RTKN2: variants seen among roughly 807,000 people sequenced by gnomAD.
RTKN2 encodes the protein rhotekin 2.
Under a neutral mutation model 71.5 loss-of-function variants are expected in RTKN2, and 69 were observed. That is an observed-to-expected ratio of 0.96 (90% CI 0.79 to 1.18). The LOEUF is 1.18. Among genes scored for constraint, RTKN2 ranks in the 50% most tolerant of loss-of-function variants. The pLI is 0.00. For synonymous variants in RTKN2, 236 were observed against 236.5 expected (o/e 1.00, Z 0.02); for missense variants, 724 against 719.7 (o/e 1.01, Z -0.07).
At position 62,199,655 on chromosome 10, in the gene RTKN2, G is replaced by A. The variant is rs375128408; in HGVS notation, c.1294+99C>T. The A allele has an allele frequency of 1.0e-4, 63 of 632,982 alleles. No homozygotes were observed. In the African/African-American group the frequency reaches 1.1e-3, roughly 11 times the overall value. 39.2% of individuals were successfully genotyped at this position (632,982 alleles called of 1,614,324 possible). On this transcript the variant is annotated intron_variant, in intron 11 of 11. Transcript: ENST00000373789. The stretch of plus-strand genomic sequence containing the variant: ...TTTTCATTTATTTTGATTGTGCCCT[G>A]AAAATTTTAGCATTTTAATGTCAAT...
Position 62,197,622 on chromosome 10 carries a change from C to A in RTKN2, c.*286G>T. ...TGCTTTATTCTGCCTAGGGCTTATT[C>A]ACTGCCTGGTACTAATTCAGGAATA... On this transcript the variant is annotated 3_prime_UTR_variant, in exon 12 of 12. Coordinates refer to ENST00000373789, the MANE Select transcript of RTKN2 (RefSeq NM_145307.4). The A allele has an allele frequency of 7.7e-6, 9 of 1,174,622 alleles. No individual in the cohort carries two copies. Among genetic ancestry groups the A allele is most frequent in the Non-Finnish European group, 9.5e-6 (9 of 949,930 alleles). 72.8% of individuals were successfully genotyped at this position (1,174,622 alleles called of 1,614,324 possible).
intron 6 of RTKN2, among the ~76,000 whole-genome samples, chr10:62,223,977 T>C (rs1022622943): frequency 1.3e-5 from 2 of 152,042 alleles, no homozygotes; most frequent in African/African-American, 4.8e-5. Flanking sequence ...TGTGTGTATA[T>C]ATACACATAC....
chr10:62,187,736 A>C (rs1841159416), intron 8 of RTKN2, among the ~76,000 whole-genome samples: 1 of 152,178 alleles, frequency 6.6e-6, no homozygotes, highest in Non-Finnish European at 1.5e-5. Context: ...GCCCTCGGTG[A>C]ACTTAACGTG....
chr10:62,254,129 G>C (rs1042905751), intron 2 of RTKN2, among the ~76,000 whole-genome samples: 5 of 152,156 alleles, frequency 3.3e-5, no homozygotes, highest in African/African-American at 1.2e-4. Context: ...AAGACCATAA[G>C]AAAAAGTTCA....
chr10:62,188,611 G>A (rs956482708), downstream of RTKN2, among the ~76,000 whole-genome samples: 5 of 151,884 alleles, frequency 3.3e-5, no homozygotes, highest in Non-Finnish European at 7.4e-5. Context: ...CCATATCCGC[G>A]GAGCCCAATC....
At chr10:62,188,491 G>C (rs537919089), downstream of RTKN2, among the ~76,000 whole-genome samples, 7 of 152,276 alleles carry the variant, frequency 4.6e-5, no homozygotes, top group East Asian at 1.4e-3. Context: ...GGAGAACTAA[G>C]CTCCACCTTT....
rs1188944763 is a variant in RTKN2, at chr10:62,262,641, T to A, written c.241A>T (p.Asn81Tyr). The change falls in exon 2 of 12, where the codon AAT becomes TAT. Residue 81 changes from asparagine to tyrosine, a missense_variant. By Grantham distance (143) the Asn-to-Tyr change is moderately radical (BLOSUM62 -2). Transcript: ENST00000373789. ...GTTACTAACCATCTTCCAGTCTGAT[T>A]TGCAATCTGTTCTTCTAATTTCTGT... ...ELQKLEEQIA[N>Y]QTGRCDVKFE... The A allele has an allele frequency of 2.5e-6, 4 of 1,605,552 alleles. No homozygotes were observed. In the African/African-American group the frequency reaches 5.4e-5, roughly 21 times the overall value.
intron 9 of RTKN2, among the ~76,000 whole-genome samples, chr10:62,210,592 G>A (rs1057226476): frequency 6.6e-6 from 1 of 152,076 alleles, no homozygotes; most frequent in Non-Finnish European, 1.5e-5. Context: ...CTGAAGTCCT[G>A]TTAATCAGCA....
chr10:62,218,172 T>C lies in RTKN2; in HGVS notation c.888+23A>G, dbSNP rs765191043. The stretch of plus-strand genomic sequence containing the variant: ...ATTTAAAGTAGAGCTACAATTGTTG[T>C]AGGATATTTAAAGTCCTCTAACCTG... On this transcript the variant is annotated intron_variant, in intron 8 of 11. Coordinates refer to ENST00000373789, the MANE Select transcript of RTKN2 (RefSeq NM_145307.4). 2.8e-6 allele frequency: 4 copies of C among 1,418,974 alleles called. No individual in the cohort carries two copies. The East Asian group carries it at 6.9e-5, about 24-fold the overall frequency. 87.9% of individuals were successfully genotyped at this position (1,418,974 alleles called of 1,614,324 possible).
intron 1 of RTKN2, among the ~76,000 whole-genome samples, chr10:62,265,018 C>T (rs1354717254): frequency 6.6e-6 from 1 of 151,960 alleles, no homozygotes; most frequent in Non-Finnish European, 1.5e-5. Context: ...TGAAGAGTAT[C>T]TTCTCACCAT....
chr10:62,214,403 C>T (rs1338340759), intron 9 of RTKN2, among the ~76,000 whole-genome samples: 1 of 152,014 alleles, frequency 6.6e-6, no homozygotes, highest in Admixed American at 6.6e-5. Flanking sequence ...TATGTAATGG[C>T]CAATTGTGGA....
In RTKN2 at chr10:62,262,776, C is replaced by T; in HGVS notation, c.106G>A (p.Glu36Lys). The stretch of plus-strand genomic sequence containing the variant: ...AGAGAAAGGAGTTTCCATATTCCTT[C>T]TCGCATTCGAATTTCTAAGTCTATT... ...EKIDLEIRMR[E>K]GIWKLLSLST... is the part of the protein sequence containing the mutation. Residue 36 changes from glutamate (E) to lysine (K), a missense_variant, in exon 2 of 12, where the codon GAA (glutamate) becomes AAA (lysine). By Grantham distance (56) the Glu-to-Lys change is moderately conservative. Transcript: ENST00000373789. The T allele has an allele frequency of 6.2e-7, 1 of 1,611,406 alleles. No homozygotes were observed. Among genetic ancestry groups the T allele is most frequent in the Non-Finnish European group, 8.5e-7 (1 of 1,178,996 alleles).
Position 62,193,385 on chromosome 10 carries a change from G to GT in RTKN2, c.*4522dup. 26 of 980,834 alleles carry GT rather than the reference G, an allele frequency of 2.7e-5. No homozygotes were observed. Among genetic ancestry groups the GT allele is most frequent in the Non-Finnish European group, 3.1e-5 (26 of 825,788 alleles). 60.8% of individuals were successfully genotyped at this position (980,834 alleles called of 1,614,324 possible). A position where few individuals can be genotyped will look rare whatever the true frequency, so the allele number is the denominator to read the frequency against. On this transcript the variant is annotated 3_prime_UTR_variant, in exon 12 of 12. Coordinates refer to ENST00000373789, the MANE Select transcript of RTKN2 (RefSeq NM_145307.4). ...GAATGATCTTTTCTAATTATTAAAC[G>GT]TGTCAGCATTAGTATTTTCTCCCAT... is the stretch of plus-strand genomic sequence containing the variant.
In RTKN2 at chr10:62,197,242, T is replaced by A; in HGVS notation, c.*666A>T. The A allele has an allele frequency of 1.0e-6, 1 of 985,584 alleles. No homozygotes were observed. The highest frequency in any genetic ancestry group is 1.2e-6 in the Non-Finnish European group (1 of 829,692). The allele number at this position is 985,584 out of a possible 1,614,324, so 61.1% of individuals were successfully genotyped here. ...TTCTCTAAACTAGTAAGTGTTATGC[T>A]TCATTTATGAAAGTTAATGTCAACA... On this transcript the variant is annotated 3_prime_UTR_variant, in exon 12 of 12. Coordinates refer to ENST00000373789, the MANE Select transcript of RTKN2 (RefSeq NM_145307.4).
chr10:62,218,842 T>A (rs917503208), intron 7 of RTKN2, among the ~76,000 whole-genome samples: 20 of 151,424 alleles, frequency 1.3e-4, no homozygotes, highest in African/African-American at 4.9e-4. Context: ...AAAAATTAGC[T>A]GGGCATGGTG....
At chr10:62,257,260 T>A (rs765402854) in intron 2 of RTKN2, among the ~76,000 whole-genome samples, 1 of 152,168 alleles carries the variant, frequency 6.6e-6, no homozygotes, top group Non-Finnish European at 1.5e-5. Context: ...TCAGACATTG[T>A]CCCTGTTTCC....
At chr10:62,225,644 T>C (rs932607643) in intron 6 of RTKN2, among the ~76,000 whole-genome samples, 2 of 152,190 alleles carry the variant, frequency 1.3e-5, no homozygotes, top group Non-Finnish European at 2.9e-5. Context: ...ATTTTTTTCA[T>C]TATAGTTCCC....
chr10:62,268,831 T>C lies in RTKN2; in HGVS notation c.-221A>G, dbSNP rs936815647. 9 of 539,284 alleles carry C rather than the reference T, an allele frequency of 1.7e-5. No individual in the cohort carries two copies. The highest frequency in any genetic ancestry group is 2.9e-5 in the Non-Finnish European group (9 of 310,780). 33.4% of individuals were successfully genotyped at this position (539,284 alleles called of 1,614,324 possible). ...CGGAAGTTGCCGAGACCCCAGGCTCTAGCGCGGCGGGGCGGGGGAGAGGGC... is the reference window on the plus strand; with the variant it reads ...CGGAAGTTGCCGAGACCCCAGGCTCCAGCGCGGCGGGGCGGGGGAGAGGGC... On this transcript the variant is annotated 5_prime_UTR_variant, in exon 1 of 12. Coordinates refer to ENST00000373789, the MANE Select transcript of RTKN2 (RefSeq NM_145307.4).
In RTKN2 at chr10:62,268,683, G is replaced by A. The variant is rs1589393757; in HGVS notation, c.-73C>T. ...TTTGAAAAGCCCGCCCCTGGCAGGA[G>A]CCGCAGAGGACGCCAACCGCCCGGC... On this transcript the variant is annotated 5_prime_UTR_variant, in exon 1 of 12. Coordinates refer to ENST00000373789, the MANE Select transcript of RTKN2 (RefSeq NM_145307.4). The A allele has an allele frequency of 1.4e-6, 2 of 1,468,026 alleles. No individual in the cohort carries two copies. The highest frequency in any genetic ancestry group is 1.4e-5 in the African/African-American group (1 of 70,658). 90.9% of individuals were successfully genotyped at this position (1,468,026 alleles called of 1,614,324 possible).
Sources: allele counts gnomAD v4.1 joint callset (sites outside exome capture counted in the v4.1 genomes callset), GRCh38; gene constraint gnomAD v4.1.1; transcripts MANE v1.5; gene names NCBI Gene and HGNC (gene_info 2026-07-23, HGNC 2026-07-21).